Variants in GDPD3 observed in about 807,000 individuals in gnomAD.
The protein encoded by GDPD3 is glycerophosphodiester phosphodiesterase domain containing 3.
A neutral mutation model predicts 43.7 loss-of-function variants in GDPD3; 40 were observed. The observed-to-expected ratio is 0.91, with a 90% CI of 0.71 to 1.19. The LOEUF (loss-of-function observed/expected upper bound fraction) is 1.19, where lower values mean the gene tolerates loss of function less well. Among genes scored for constraint, GDPD3 ranks in the 50% most tolerant of loss-of-function variants. GDPD3 has a pLI of 0.00. For synonymous variants in GDPD3, 145 were observed against 162.9 expected, an observed-to-expected ratio of 0.89 and a Z score of 0.84; for missense variants, 363 against 415.8, an observed-to-expected ratio of 0.87 and a Z score of 1.11.
At chr16:30,107,701 T>G (rs905935439) in intron 9 of GDPD3, 1 of 152,890 alleles carries the variant, frequency 6.5e-6, no homozygotes, top group African/African-American at 2.4e-5. Context: ...TAAGAAAATA[T>G]GTGCGTGGCC....
At chr16:30,107,218 C>T (rs2151039834) in intron 9 of GDPD3, among the ~76,000 whole-genome samples, 1 of 152,242 alleles carries the variant, frequency 6.6e-6, no homozygotes, top group Non-Finnish European at 1.5e-5. Context: ...GTGATCCTCC[C>T]ATCTCAGCCT....
chr16:30,108,334 CTA>C (rs770584843), intron 8 of GDPD3, 37 bp downstream of exon 8: 23 of 1,613,352 alleles, frequency 1.4e-5, no homozygotes, highest in South Asian at 4.4e-5. Flanking sequence ...CAGTAGGTCT[CTA>C]TGGGGACACG....
At position 30,108,240 on chromosome 16, in the gene GDPD3, G is replaced by C; in HGVS notation, c.792C>G (p.Ile264Met). ...GCACCCCTCGCTCCTCCAAGTGTCG[G>C]ATCAGACTCTTCCTCATGATCAGCC... ...SKWLIMRKSL[I>M]RHLEERGVQV... Residue 264 changes from isoleucine to methionine, a missense_variant, in exon 9 of 10, where the codon ATC (isoleucine) becomes ATG (methionine). Physicochemically the swap from Ile to Met is conservative, Grantham distance 10 (BLOSUM62 1). Coordinates refer to ENST00000406256, the MANE Select transcript of GDPD3 (RefSeq NM_024307.3). 1 of 1,609,730 alleles carries C rather than the reference G, an allele frequency of 6.2e-7. No homozygotes were observed. Among genetic ancestry groups the C allele is most frequent in the Admixed American group, 1.7e-5 (1 of 59,784 alleles).
intron 6 of GDPD3, chr16:30,111,916 G>A: frequency 1.7e-6 from 1 of 590,082 alleles, no homozygotes; most frequent in Non-Finnish European, 3.0e-6. Flanking sequence ...CTGGGCGACA[G>A]AGAGAGACTG....
chr16:30,111,947 A>AG, intron 6 of GDPD3, 185 bp downstream of exon 6: 1 of 603,894 alleles, frequency 1.7e-6, no homozygotes, highest in Non-Finnish European at 2.9e-6. Flanking sequence ...AAGAAAAAAA[A>AG]CAAAAGTCAC....
rs780951284 is a variant in GDPD3 at position 30,112,255 on chromosome 16, A to G, written c.484-34T>C. 3.7e-6 allele frequency: 6 copies of G among 1,611,726 alleles called. No homozygotes were observed. Among genetic ancestry groups the G allele is most frequent in the Non-Finnish European group, 5.1e-6 (6 of 1,177,854 alleles). ...AGGAGAAGGAGGTGAAGGGAGAGCC[A>G]GGCCTCTCTCACGCCCCCGGTGGCC... On this transcript the variant is annotated intron_variant, in intron 5 of 9. Coordinates refer to ENST00000406256, the MANE Select transcript of GDPD3 (RefSeq NM_024307.3). The surrounding 1 kb of genome is among the most constrained non-coding windows in gnomAD (Gnocchi z 5.4).
chr16:30,108,490 G>C, intron 7 of GDPD3, 58 bp from the exon 8 acceptor site: 1 of 1,550,934 alleles, frequency 6.4e-7, no homozygotes, highest in South Asian at 1.1e-5. Context: ...CCAGAGGTGG[G>C]GTGGGCTGGT....
intron 7 of GDPD3, 122 bp from the exon 8 acceptor site, chr16:30,108,554 G>T (rs2072876756): frequency 3.5e-6 from 3 of 851,032 alleles, no homozygotes; most frequent in Non-Finnish European, 5.9e-6. Flanking sequence ...GAATCCCCCA[G>T]AATAACCTTT....
rs1475271641 is a variant in GDPD3, at chr16:30,108,193, AG to A, written c.819+19del. The stretch of plus-strand genomic sequence containing the variant: ...TGCTGCCAGGTCTGTGTGCGGTGGA[AG>A]TGGTGGTCACGGCCTCACCTGCACC... On this transcript the variant is annotated intron_variant, in intron 9 of 9. Transcript: ENST00000406256. The A allele has an allele frequency of 5.1e-6, 8 of 1,569,220 alleles. No homozygotes were observed. The highest frequency in any genetic ancestry group is 1.3e-5 in the African/African-American group (1 of 74,156).
intron 9 of GDPD3, among the ~76,000 whole-genome samples, chr16:30,105,956 G>C (rs62057758): frequency 1 from 151,393 of 151,396 alleles, 75,695 homozygotes; most frequent in Middle Eastern, 1. Flanking sequence ...ACTAAAAACA[G>C]AAAAATTAGC....
Position 30,112,726 on chromosome 16 carries a change from C to T in GDPD3, c.250G>A (p.Val84Met), listed in dbSNP as rs761529339. 28 of 1,613,402 alleles carry T rather than the reference C, an allele frequency of 1.7e-5. No homozygotes were observed. The highest frequency in any genetic ancestry group is 2.4e-5 in the Non-Finnish European group (28 of 1,179,940). ...CGGCACAGGTTCTCATCATGTGACA[C>T]CACCACCACTCTGTCCCGTGTCAGC... ...CQLTRDRVVV[V>M]SHDENLCRQS... Residue 84 changes from valine (V) to methionine (M), a missense_variant, in exon 3 of 10, where the codon GTG becomes ATG. Coordinates refer to ENST00000406256, the MANE Select transcript of GDPD3 (RefSeq NM_024307.3). The surrounding 1 kb of genome is among the most constrained non-coding windows in gnomAD (Gnocchi z 5.4).
intron 9 of GDPD3, among the ~76,000 whole-genome samples, chr16:30,107,395 G>A (rs1033493302): frequency 1.7e-5 from 2 of 119,754 alleles, no homozygotes; most frequent in Admixed American, 8.7e-5. Context: ...GGTGGGAGCC[G>A]TGCCCAGCCT....
intron 9 of GDPD3, among the ~76,000 whole-genome samples, chr16:30,106,745 C>T (rs112141613): frequency 3.3e-5 from 5 of 152,196 alleles, no homozygotes; most frequent in South Asian, 2.1e-4. Flanking sequence ...CTTGCTCTGT[C>T]GCCCAGGCTG....
rs892351549 is a variant in GDPD3, at chr16:30,111,914, CAG to C, written c.573+216_573+217del. 1.4e-5 allele frequency: 8 copies of C among 587,282 alleles called. No individual in the cohort carries two copies. In the Middle Eastern group the frequency reaches 2.3e-3, roughly 165 times the overall value. The allele number at this position is 587,282 out of a possible 1,614,324, so 36.4% of individuals were successfully genotyped here. ...CACCACCGCACTCCAGCCTGGGCGA[CAG>C]AGAGAGACTGTGTTTCAAAAAAGAA... On this transcript the variant is annotated intron_variant, in intron 6 of 9. Coordinates refer to ENST00000406256, the MANE Select transcript of GDPD3 (RefSeq NM_024307.3).
rs560475103 is a variant in GDPD3 at position 30,105,680 on chromosome 16, T to C, written c.820-671A>G. 6.0e-5 allele frequency among the ~76,000 whole-genome samples: 9 copies of C among 150,082 alleles called. No individual in the cohort carries two copies. In the East Asian group the frequency reaches 1.8e-3, roughly 30 times the overall value. On this transcript the variant is annotated intron_variant, in intron 9 of 9. Transcript: ENST00000406256. ...CCACCACGCCCAGCTAATTTTTCTG[T>C]TTTTAGTAGAGATGGGGTTTCACCA... is the stretch of plus-strand genomic sequence containing the variant.
chr16:30,108,871 G>C (rs1013274626), intron 7 of GDPD3, among the ~76,000 whole-genome samples: 1 of 149,840 alleles, frequency 6.7e-6, no homozygotes, highest in Admixed American at 6.6e-5. Flanking sequence ...TTGCTCTGTC[G>C]CCCAGGCTGG....
chr16:30,106,182 C>A (rs192518287), intron 9 of GDPD3, among the ~76,000 whole-genome samples: 2 of 152,162 alleles, frequency 1.3e-5, no homozygotes, highest in Non-Finnish European at 1.5e-5. Flanking sequence ...CAAAGCATAT[C>A]TCTTGCTAAT....
In GDPD3 at chr16:30,113,144, T is replaced by C; in HGVS notation, c.140-80A>G. The C allele has an allele frequency of 7.0e-7, 1 of 1,422,486 alleles. No homozygotes were observed. Among genetic ancestry groups the C allele is most frequent in the Non-Finnish European group, 9.8e-7 (1 of 1,024,472 alleles). The allele number at this position is 1,422,486 out of a possible 1,614,324, so 88.1% of individuals were successfully genotyped here. The stretch of plus-strand genomic sequence containing the variant: ...AACCTCATCACCCACATTCCCTCTC[T>C]GGGCTCCATCCTCCCTCTGGCCTCA... On this transcript the variant is annotated intron_variant, in intron 1 of 9. Coordinates refer to ENST00000406256, the MANE Select transcript of GDPD3 (RefSeq NM_024307.3). This position sits in a 1 kb window ranked among gnomAD's most constrained non-coding sequence, Gnocchi z 5.9.
intron 7 of GDPD3, among the ~76,000 whole-genome samples, chr16:30,109,433 C>G (rs1385745312): frequency 6.6e-6 from 1 of 151,958 alleles, no homozygotes; most frequent in Non-Finnish European, 1.5e-5. Context: ...TGCTTGAACC[C>G]AGGAGGCGGA....
Sources: gnomAD v4.1 joint callset for allele counts (sites outside exome capture counted in the v4.1 genomes callset) on GRCh38, gnomAD v4.1.1 for gene constraint, Gnocchi (gnomAD v3.1) non-coding constraint, MANE v1.5 for transcripts, NCBI Gene and HGNC (gene_info 2026-07-23, HGNC 2026-07-21) for gene names.